BANK1: variants seen among roughly 807,000 people sequenced by gnomAD.
The protein encoded by BANK1 is B cell scaffold protein with ankyrin repeats 1, also known as B-cell scaffold protein with ankyrin repeats.
BANK1 carries 95 observed loss-of-function variants against 94.5 expected under a neutral mutation model. That is an observed-to-expected ratio of 1.00 (90% CI 0.85 to 1.19). The LOEUF (loss-of-function observed/expected upper bound fraction) is 1.19. BANK1 is among the 50% of genes most tolerant of loss of function. The pLI, the probability that BANK1 is intolerant of heterozygous loss-of-function variation, is 0.00. For synonymous variants in BANK1, 334 were observed against 308.4 expected, an observed-to-expected ratio of 1.08 and a Z score of -0.87; for missense variants, 987 against 932.2, an observed-to-expected ratio of 1.06 and a Z score of -0.77.
In BANK1 at chr4:101,855,084, A is replaced by G. The variant is rs781616873; in HGVS notation, c.519A>G (p.Lys173=). 1.9e-6 allele frequency: 3 copies of G among 1,613,590 alleles called. No homozygotes were observed. The highest frequency in any genetic ancestry group is 2.5e-6 in the Non-Finnish European group (3 of 1,179,578). ...EVNIPTDLRA[K]HSGEISERKE... The stretch of plus-strand genomic sequence containing the variant: ...ACATTCCAACAGACCTACGAGCAAA[A>G]CATTCTGGGGAAATAAGTGAGAGAA... The change falls in exon 3 of 17, where the codon AAA becomes AAG. Residue 173 remains lysine (K), a synonymous_variant. Transcript: ENST00000322953.
chr4:101,852,300 T>C (rs138869976), intron 2 of BANK1, among the ~76,000 whole-genome samples: 183 of 151,490 alleles, frequency 1.2e-3, no homozygotes, highest in African/African-American at 3.9e-3. Context: ...TTGAATTAAA[T>C]ATACATACAT....
chr4:101,895,448 CA>C (rs1560621363), intron 6 of BANK1, 38 bp downstream of exon 6: 1 of 1,230,480 alleles, frequency 8.1e-7, no homozygotes, highest in Admixed American at 1.8e-5. Flanking sequence ...TTCTTTTTAT[CA>C]CATTCCATTC....
At chr4:102,069,453 T>C (rs542816551) in intron 13 of BANK1, among the ~76,000 whole-genome samples, 1 of 152,190 alleles carries the variant, frequency 6.6e-6, no homozygotes, top group Non-Finnish European at 1.5e-5. Context: ...GTATAATGAA[T>C]TACCATTTGA....
chr4:101,929,276 A>G (rs1245956322), intron 7 of BANK1, among the ~76,000 whole-genome samples: 1 of 151,432 alleles, frequency 6.6e-6, no homozygotes, highest in African/African-American at 2.4e-5. Flanking sequence ...TTGTACTTTG[A>G]CTCCTCTCTA....
At chr4:102,030,637 T>G (rs1009759621) in intron 10 of BANK1, among the ~76,000 whole-genome samples, 1 of 145,490 alleles carries the variant, frequency 6.9e-6, no homozygotes, top group African/African-American at 2.5e-5. Flanking sequence ...CCCCACCCTG[T>G]GTCCATGTGT....
intron 7 of BANK1, among the ~76,000 whole-genome samples, chr4:101,974,426 C>A (rs1578430378): frequency 6.6e-6 from 1 of 152,226 alleles, no homozygotes; most frequent in East Asian, 1.9e-4. Context: ...TACCTCCTAC[C>A]TTTTCATCAG....
At chr4:101,807,034 A>G (rs1725576847) in intron 1 of BANK1, among the ~76,000 whole-genome samples, 1 of 152,236 alleles carries the variant, frequency 6.6e-6, no homozygotes, top group Admixed American at 6.5e-5. Context: ...AGCAACAGCT[A>G]AGAGTGTTTT....
At chr4:101,848,619 G>C (rs1314831534) in intron 2 of BANK1, among the ~76,000 whole-genome samples, 2 of 152,130 alleles carry the variant, frequency 1.3e-5, no homozygotes, top group Non-Finnish European at 1.5e-5. Context: ...ATACAATCCA[G>C]TGTCAAGGGC....
intron 11 of BANK1, among the ~76,000 whole-genome samples, chr4:102,045,793 G>T (rs1454727478): frequency 6.6e-6 from 1 of 151,400 alleles, no homozygotes; most frequent in Non-Finnish European, 1.5e-5. Flanking sequence ...AAATAAAAGA[G>T]GATACAAACA....
intron 7 of BANK1, among the ~76,000 whole-genome samples, chr4:101,977,523 T>A (rs1443933622): frequency 6.6e-6 from 1 of 152,196 alleles, no homozygotes; most frequent in Non-Finnish European, 1.5e-5. Flanking sequence ...AATCAAGATA[T>A]TCCTGTGATG....
rs1471748319 is a variant in BANK1 at position 101,914,356 on chromosome 4, G to A, written c.1010-3637G>A. Among the ~76,000 whole-genome samples the A allele has an allele frequency of 3.3e-5, 5 of 152,206 alleles. No individual in the cohort carries two copies. In the East Asian group the frequency reaches 9.7e-4, roughly 29 times the overall value. On this transcript the variant is annotated intron_variant, in intron 6 of 16. Coordinates refer to ENST00000322953, the MANE Select transcript of BANK1 (RefSeq NM_017935.5). The stretch of plus-strand genomic sequence containing the variant: ...TCACCCCGAGGAGCAGTACACAGGG[G>A]CCATAGCTTCTCTCAGAGCCTCCCT...
chr4:102,033,487 A>G (rs1245665794), intron 10 of BANK1, among the ~76,000 whole-genome samples: 1 of 152,224 alleles, frequency 6.6e-6, no homozygotes, highest in Admixed American at 6.5e-5. Flanking sequence ...ATAAACATCG[A>G]TTGAGTGCCA....
In BANK1 at chr4:102,060,326, T is replaced by C; in HGVS notation, c.2085T>C (p.Asp695=). 1 of 1,610,568 alleles carries C rather than the reference T, an allele frequency of 6.2e-7. No homozygotes were observed. The highest frequency in any genetic ancestry group is 8.5e-7 in the Non-Finnish European group (1 of 1,178,786). ...TAAAGAATGGGAAAATGTCTATGGA[T>C]GAAGCTCTGGAGAAATTTAAACACT... ...EKVKNGKMSM[D]EALEKFKHWQ... Residue 695 remains aspartate, a synonymous_variant, in exon 12 of 17, where the codon GAT becomes GAC. Coordinates refer to ENST00000322953, the MANE Select transcript of BANK1 (RefSeq NM_017935.5).
At chr4:101,914,445 A>G (rs1055340969) in intron 6 of BANK1, among the ~76,000 whole-genome samples, 9 of 152,150 alleles carry the variant, frequency 5.9e-5, no homozygotes, top group Admixed American at 5.9e-4. Flanking sequence ...CCATGCTGCA[A>G]TGGGAAACCA....
chr4:101,991,515 G>A (rs1242934830), intron 7 of BANK1, among the ~76,000 whole-genome samples: 1 of 152,132 alleles, frequency 6.6e-6, no homozygotes, highest in African/African-American at 2.4e-5. Context: ...AGATAAAGTT[G>A]AAAATGTCTT....
intron 16 of BANK1, 91 bp downstream of exon 16, chr4:102,073,839 T>G (rs999143708): frequency 4.6e-5 from 46 of 1,008,406 alleles, no homozygotes; most frequent in African/African-American, 1.3e-4. Context: ...ACAGAATTTT[T>G]TAAAGATTTC....
At chr4:101,887,884 A>T (rs1448640123) in intron 5 of BANK1, among the ~76,000 whole-genome samples, 1 of 152,238 alleles carries the variant, frequency 6.6e-6, no homozygotes, top group Non-Finnish European at 1.5e-5. Context: ...ATTATTTTAA[A>T]TTAACTGCTT....
intron 13 of BANK1, 121 bp from the exon 14 acceptor site, chr4:102,071,154 T>C: frequency 9.0e-7 from 1 of 1,116,732 alleles, no homozygotes; most frequent in East Asian, 2.4e-5. Context: ...TAGATCAGAA[T>C]GTGAGATTTC....
chr4:101,925,478 A>G (rs545561124), intron 7 of BANK1, among the ~76,000 whole-genome samples: 2 of 151,886 alleles, frequency 1.3e-5, no homozygotes, highest in South Asian at 4.1e-4. Flanking sequence ...ATACCCACAG[A>G]TAAGGCAATT....
Sources: allele counts gnomAD v4.1 joint callset (sites outside exome capture counted in the v4.1 genomes callset), GRCh38; gene constraint gnomAD v4.1.1; transcripts MANE v1.5; gene names NCBI Gene and HGNC (gene_info 2026-07-23, HGNC 2026-07-21).